Variants in SYT5 observed in about 807,000 individuals in gnomAD.
The protein encoded by SYT5 is synaptotagmin 5.
In SYT5, 29 loss-of-function variants were observed where a neutral mutation model predicts 36.0. The ratio of observed to expected loss-of-function variants is 0.81; its 90% CI spans 0.60 to 1.10. The LOEUF (loss-of-function observed/expected upper bound fraction) is 1.10. Ranked by LOEUF, SYT5 falls within the 50% of genes least tolerant of loss-of-function variation. SYT5 has a pLI of 0.00. For missense variants in SYT5, 512 were observed against 516.0 expected, an observed-to-expected ratio of 0.99 and a Z score of 0.08; for synonymous variants, 231 against 227.6, an observed-to-expected ratio of 1.02 and a Z score of -0.14.
chr19:55,173,646 C>T lies in SYT5; in HGVS notation c.999G>A (p.Lys333=), dbSNP rs765988982. The T allele has an allele frequency of 4.0e-6, 6 of 1,485,522 alleles. No individual in the cohort carries two copies. In the South Asian group the frequency reaches 5.2e-5, roughly 13 times the overall value. The allele number at this position is 1,485,522 out of a possible 1,614,324, so 92.0% of individuals were successfully genotyped here. A position where few individuals can be genotyped will look rare whatever the true frequency, so the allele number is the denominator to read the frequency against. ...QVELTVLDYD[K]LGKNEAIGRV... is the part of the protein sequence containing the mutation. ...TCCCGATGGCCTCGTTCTTGCCCAG[C>T]TTGTCGTAGTCCAGCACGGTCAGCT... Residue 333 remains lysine (K), a synonymous_variant, in exon 9 of 9, where the codon AAG becomes AAA. Coordinates refer to ENST00000354308, the MANE Select transcript of SYT5 (RefSeq NM_003180.3). The surrounding 1 kb of genome is among the most constrained non-coding windows in gnomAD (Gnocchi z 5.4).
Position 55,179,498 on chromosome 19 carries a change from C to T in SYT5, c.-45-412G>A, listed in dbSNP as rs951806086. 4.4e-5 allele frequency: 13 copies of T among 294,480 alleles called. No homozygotes were observed. In the Admixed American group the frequency reaches 5.7e-4, roughly 13 times the overall value. 18.2% of individuals were successfully genotyped at this position (294,480 alleles called of 1,614,324 possible). On this transcript the variant is annotated intron_variant, in intron 1 of 8. Transcript: ENST00000354308. This position sits in a 1 kb window ranked among gnomAD's most constrained non-coding sequence, Gnocchi z 4.5. ...ACAACGGGCGGGGCTGACGCACAGA[C>T]GCGGAGTCCCGGCGGGGCAGGCTCG...
At position 55,173,575 on chromosome 19, in the gene SYT5, C is replaced by T. The variant is rs2086029375; in HGVS notation, c.1070G>A (p.Trp357Ter). ...AAAGGAGLRH[W>*]ADMLANPRRP... ...CCGCGGGTTGGCCAGCATGTCCGCC[C>T]AGTGCCGCAGGCCAGCCCCGCCGGC... The change falls in exon 9 of 9, where the codon TGG becomes TAG. Residue 357 changes from tryptophan (W) to a stop codon, truncating the protein, a stop_gained. Coordinates refer to ENST00000354308, the MANE Select transcript of SYT5 (RefSeq NM_003180.3). LOFTEE classifies it high-confidence loss of function. This position sits in a 1 kb window ranked among gnomAD's most constrained non-coding sequence, Gnocchi z 5.4. 1 of 1,472,506 alleles carries T rather than the reference C, an allele frequency of 6.8e-7. No homozygotes were observed. The highest frequency in any genetic ancestry group is 2.9e-5 in the East Asian group (1 of 34,340). The allele number at this position is 1,472,506 out of a possible 1,614,324, so 91.2% of individuals were successfully genotyped here. A position where few individuals can be genotyped will look rare whatever the true frequency, so the allele number is the denominator to read the frequency against.
rs1158346507 is a variant in SYT5, at chr19:55,178,228, C to G, written c.220G>C (p.Val74Leu). ...QAQAQVHLQE[V>L]KGLGQSYIDK... ...ATGTAACTCTGGCCCAGCCCCTTCA[C>G]TTCCTGAAGGTGGACCTGGGCTTGG... The change falls in exon 3 of 9, where the codon GTG becomes CTG. Residue 74 changes from valine (V) to leucine (L), a missense_variant. Physicochemically the swap from Val to Leu is conservative, Grantham distance 32 (BLOSUM62 1). Coordinates refer to ENST00000354308, the MANE Select transcript of SYT5 (RefSeq NM_003180.3). 9.3e-6 allele frequency: 15 copies of G among 1,609,332 alleles called. No homozygotes were observed. The highest frequency in any genetic ancestry group is 1.2e-5 in the Non-Finnish European group (14 of 1,178,122).
intron 8 of SYT5, 68 bp downstream of exon 8, chr19:55,174,449 C>A (rs953148268): frequency 9.3e-5 from 145 of 1,567,250 alleles, no homozygotes; most frequent in Admixed American, 1.9e-5. Context: ...GCTAAAAAGT[C>A]TCCCTCCGCC....
intron 3 of SYT5, 109 bp from the exon 4 acceptor site, chr19:55,176,233 T>TC: frequency 2.7e-6 from 4 of 1,482,028 alleles, no homozygotes; most frequent in Non-Finnish European, 3.7e-6. Flanking sequence ...ACCTGAGCTC[T>TC]CACAGGCTAA....
rs2086067111 is a variant in SYT5 at position 55,175,629 on chromosome 19, A to G, written c.540+80T>C. The G allele has an allele frequency of 6.5e-7, 1 of 1,547,220 alleles. No individual in the cohort carries two copies. Among genetic ancestry groups the G allele is most frequent in the Non-Finnish European group, 8.8e-7 (1 of 1,142,560 alleles). On this transcript the variant is annotated intron_variant, in intron 5 of 8. Coordinates refer to ENST00000354308, the MANE Select transcript of SYT5 (RefSeq NM_003180.3). The surrounding 1 kb of genome is among the most constrained non-coding windows in gnomAD (Gnocchi z 4.5). ...ACCTGAGCTGTGGCCGCCTCCAGGA[A>G]AAGCGGAAGGGGTCGGTCCCTAGTG... is the stretch of plus-strand genomic sequence containing the variant.
Position 55,178,309 on chromosome 19 carries a change from A to G in SYT5, c.139T>C (p.Cys47Arg). 1 of 1,612,264 alleles carries G rather than the reference A, an allele frequency of 6.2e-7. No homozygotes were observed. Among genetic ancestry groups the G allele is most frequent in the Middle Eastern group, 1.6e-4 (1 of 6,062 alleles). The change falls in exon 3 of 9, where the codon TGT (cysteine) becomes CGT (arginine). Residue 47 changes from cysteine (C) to arginine (R), a missense_variant. By Grantham distance (180) the Cys-to-Arg change is radical. Coordinates refer to ENST00000354308, the MANE Select transcript of SYT5 (RefSeq NM_003180.3). The part of the protein sequence containing the change: ...LVSGLLIFSC[C>R]FCLYRKSCRR... ...CAGCTCTTCCGGTAGAGACAGAAAC[A>G]GCAGCTGAAGATGAGGAGGCCTGAG...
At position 55,173,281 on chromosome 19, in the gene SYT5, C is replaced by A; in HGVS notation, c.*203G>T. The A allele has an allele frequency of 2.3e-6, 1 of 430,748 alleles. No homozygotes were observed. 26.7% of individuals were successfully genotyped at this position (430,748 alleles called of 1,614,324 possible). A position where few individuals can be genotyped will look rare whatever the true frequency, so the allele number is the denominator to read the frequency against. On this transcript the variant is annotated 3_prime_UTR_variant, in exon 9 of 9. Transcript: ENST00000354308. This position sits in a 1 kb window ranked among gnomAD's most constrained non-coding sequence, Gnocchi z 5.4. ...GGCATCTGGGTGTGTCCGCGAGGGTCGGGGGAGTGTGCTGGAAAGTTGTCG... is the reference window on the plus strand; with the variant it reads ...GGCATCTGGGTGTGTCCGCGAGGGTAGGGGGAGTGTGCTGGAAAGTTGTCG...
Position 55,175,567 on chromosome 19 carries a change from A to G in SYT5, c.540+142T>C. 1 of 1,219,442 alleles carries G rather than the reference A, an allele frequency of 8.2e-7. No individual in the cohort carries two copies. Among genetic ancestry groups the G allele is most frequent in the South Asian group, 1.5e-5 (1 of 67,842 alleles). The allele number at this position is 1,219,442 out of a possible 1,614,324, so 75.5% of individuals were successfully genotyped here. A position where few individuals can be genotyped will look rare whatever the true frequency, so the allele number is the denominator to read the frequency against. On this transcript the variant is annotated intron_variant, in intron 5 of 8. Transcript: ENST00000354308. The surrounding 1 kb of genome is among the most constrained non-coding windows in gnomAD (Gnocchi z 4.5). ...TACAGCCCAGGAGTCAGTAGTGCCC[A>G]GGGTCCAGTGGAATAGCCCCAGAGC... is the stretch of plus-strand genomic sequence containing the variant.
rs768864162 is a variant in SYT5 at position 55,175,676 on chromosome 19, T to TATG, written c.540+30_540+32dup. 1.9e-6 allele frequency: 3 copies of TATG among 1,609,508 alleles called. No individual in the cohort carries two copies. The highest frequency in any genetic ancestry group is 2.5e-6 in the Non-Finnish European group (3 of 1,178,228). On this transcript the variant is annotated intron_variant, in intron 5 of 8. Transcript: ENST00000354308. The surrounding 1 kb of genome is among the most constrained non-coding windows in gnomAD (Gnocchi z 4.5). ...AGTGTTCCAGGGACTGGGCACAGGC[T>TATG]ATGGAACACGGGGCCTGAAGGCAGG...
rs2147337512 is a variant in SYT5, at chr19:55,179,178, C to T, written c.-45-92G>A. On this transcript the variant is annotated intron_variant, in intron 1 of 8. Coordinates refer to ENST00000354308, the MANE Select transcript of SYT5 (RefSeq NM_003180.3). This position sits in a 1 kb window ranked among gnomAD's most constrained non-coding sequence, Gnocchi z 4.5. Reference sequence around the variant, plus strand: ...TGAGGCCTTTGCGCGAACAGCCGCGCAGAAACCGGACAGCCACCGCGAGTC... The same window carrying T: ...TGAGGCCTTTGCGCGAACAGCCGCGTAGAAACCGGACAGCCACCGCGAGTC... The T allele has an allele frequency of 6.5e-7, 1 of 1,534,710 alleles. No homozygotes were observed. Among genetic ancestry groups the T allele is most frequent in the Non-Finnish European group, 8.7e-7 (1 of 1,145,822 alleles).
rs2086031561 is a variant in SYT5, at chr19:55,173,692, G to A, written c.961-8C>T. On this transcript the variant is annotated splice_polypyrimidine_tract_variant and splice_region_variant and intron_variant, in intron 8 of 8. Coordinates refer to ENST00000354308, the MANE Select transcript of SYT5 (RefSeq NM_003180.3). This position sits in a 1 kb window ranked among gnomAD's most constrained non-coding sequence, Gnocchi z 5.4. ...CAGCTCCACCTGCACCTTCTGGGGT[G>A]GGCGCGGGAGGAAGAGGAGAGAGGA... The A allele has an allele frequency of 4.4e-6, 6 of 1,376,052 alleles. No individual in the cohort carries two copies. Among genetic ancestry groups the A allele is most frequent in the Non-Finnish European group, 5.7e-6 (6 of 1,058,590 alleles). 85.2% of individuals were successfully genotyped at this position (1,376,052 alleles called of 1,614,324 possible). A position where few individuals can be genotyped will look rare whatever the true frequency, so the allele number is the denominator to read the frequency against.
chr19:55,176,525 C>A (rs1181520771), intron 3 of SYT5, among the ~76,000 whole-genome samples: 1 of 152,154 alleles, frequency 6.6e-6, no homozygotes. Context: ...GGAGAAATGG[C>A]ATATTTACTG....
In SYT5 at chr19:55,172,453, AAAC is replaced by A. The variant is rs1466032944; in HGVS notation, c.*1028_*1030del. The A allele has an allele frequency of 4.8e-5, 7 of 145,628 alleles. No individual in the cohort carries two copies. The highest frequency in any genetic ancestry group is 1.9e-4 in the East Asian group (1 of 5,136). 9.0% of individuals were successfully genotyped at this position (145,628 alleles called of 1,614,324 possible). A position where few individuals can be genotyped will look rare whatever the true frequency, so the allele number is the denominator to read the frequency against. On this transcript the variant is annotated 3_prime_UTR_variant, in exon 9 of 9. Coordinates refer to ENST00000354308, the MANE Select transcript of SYT5 (RefSeq NM_003180.3). ...CAAAAACAAAAACAAAAAAACAAAC[AAAC>A]AAAAAAAAAACAAGAGAAAAAGAAA...
rs2086113073 is a variant in SYT5, at chr19:55,179,020, G to A, written c.22C>T (p.Pro8Ser). 6.2e-7 allele frequency: 1 copy of A among 1,605,592 alleles called. No homozygotes were observed. Among genetic ancestry groups the A allele is most frequent in the East Asian group, 2.3e-5 (1 of 44,096 alleles). MFPEPPTPGPPSPDTPPD... is the reference protein window; with the variant it reads MFPEPPTSGPPSPDTPPD... ...GGCGTGTCGGGCGATGGAGGCCCCGGGGTTGGGGGCTCCGGGAACATGGTG... is the reference window on the plus strand; with the variant it reads ...GGCGTGTCGGGCGATGGAGGCCCCGAGGTTGGGGGCTCCGGGAACATGGTG... Residue 8 changes from proline (P) to serine (S), a missense_variant, in exon 2 of 9, where the codon CCG becomes TCG. Coordinates refer to ENST00000354308, the MANE Select transcript of SYT5 (RefSeq NM_003180.3). This position sits in a 1 kb window ranked among gnomAD's most constrained non-coding sequence, Gnocchi z 4.5.
rs755642748 is a variant in SYT5 at position 55,173,183 on chromosome 19, C to T, written c.*301G>A. ...GAGAGAGGAGAGCAGACGAGGATGG[C>T]TGATTGTCAAAGCAGGGGGCAGGAC... is the stretch of plus-strand genomic sequence containing the variant. On this transcript the variant is annotated 3_prime_UTR_variant, in exon 9 of 9. Transcript: ENST00000354308. The surrounding 1 kb of genome is among the most constrained non-coding windows in gnomAD (Gnocchi z 5.4). 8.6e-6 allele frequency: 3 copies of T among 348,206 alleles called. No homozygotes were observed. Among genetic ancestry groups the T allele is most frequent in the Non-Finnish European group, 1.5e-5 (3 of 193,698 alleles). The allele number at this position is 348,206 out of a possible 1,614,324, so 21.6% of individuals were successfully genotyped here.
chr19:55,177,167 A>T (rs12461170), intron 3 of SYT5: 10,333 of 152,336 alleles, frequency 0.068, 865 homozygotes, highest in Admixed American at 0.24. Context: ...TCCTAACACC[A>T]TCTGACCCTG....
At chr19:55,178,077 A>G (rs2086096670) in intron 3 of SYT5, 119 bp downstream of exon 3, 1 of 1,156,658 alleles carries the variant, frequency 8.6e-7, no homozygotes, top group Non-Finnish European at 1.2e-6. Context: ...CACAGGGAGG[A>G]TGAGCCAGTA....
Position 55,175,069 on chromosome 19 carries a change from G to A in SYT5, c.709-70C>T, listed in dbSNP as rs940005511. 1.9e-6 allele frequency: 3 copies of A among 1,598,460 alleles called. No homozygotes were observed. Among genetic ancestry groups the A allele is most frequent in the Admixed American group, 1.7e-5 (1 of 59,498 alleles). On this transcript the variant is annotated intron_variant, in intron 6 of 8. Transcript: ENST00000354308. The surrounding 1 kb of genome is among the most constrained non-coding windows in gnomAD (Gnocchi z 4.5). ...ATGCCTCCTCAGGGGTACAATCCACGCCGCCCTGAGGGTCTGGAAAGCCTA... is the reference window on the plus strand; with the variant it reads ...ATGCCTCCTCAGGGGTACAATCCACACCGCCCTGAGGGTCTGGAAAGCCTA...
Sources: gnomAD v4.1 joint callset for allele counts (sites outside exome capture counted in the v4.1 genomes callset) on GRCh38, gnomAD v4.1.1 for gene constraint, Gnocchi (gnomAD v3.1) non-coding constraint, MANE v1.5 for transcripts, NCBI Gene and HGNC (gene_info 2026-07-23, HGNC 2026-07-21) for gene names.